The following TMPRSS3 variants were observed in gnomAD, a reference collection of about 807,000 sequenced individuals.
The protein encoded by TMPRSS3 is transmembrane serine protease 3.
A neutral mutation model predicts 59.6 loss-of-function variants in TMPRSS3; 55 were observed. The ratio of observed to expected loss-of-function variants is 0.92; its 90% CI spans 0.74 to 1.16. TMPRSS3 has a LOEUF of 1.16. Among genes scored for constraint, TMPRSS3 ranks in the 50% most tolerant of loss-of-function variants. The pLI, the probability that TMPRSS3 is intolerant of heterozygous loss-of-function variation, is 0.00. For missense variants in TMPRSS3, 596 were observed against 579.4 expected, an observed-to-expected ratio of 1.03 and a Z score of -0.29; for synonymous variants, 257 against 237.7, an observed-to-expected ratio of 1.08 and a Z score of -0.75.
intron 10 of TMPRSS3, 150 bp from the exon 11 acceptor site, chr21:42,376,833 C>A (rs532114055): frequency 1.4e-5 from 17 of 1,248,682 alleles, no homozygotes; most frequent in Admixed American, 3.5e-5. Flanking sequence ...CAGGGCCCTG[C>A]GGGTGGGACG....
At position 42,372,007 on chromosome 21, in the gene TMPRSS3, C is replaced by A. The variant is rs146774207; in HGVS notation, c.*755G>T. On this transcript the variant is annotated 3_prime_UTR_variant, in exon 13 of 13. Coordinates refer to ENST00000644384, the MANE Select transcript of TMPRSS3 (RefSeq NM_001256317.3). Reference sequence around the variant, plus strand: ...AGTCATTCCTAGATTAACCTCCCCACATGTGAAAATAAGTCTTGGAAGTAG... The same window carrying A: ...AGTCATTCCTAGATTAACCTCCCCAAATGTGAAAATAAGTCTTGGAAGTAG... 3.7e-3 allele frequency: 1,683 copies of A among 454,574 alleles called. 6 individuals carry two copies. Among genetic ancestry groups the A allele is most frequent in the Non-Finnish European group, 6.0e-3 (1,368 of 226,806 alleles). 28.2% of individuals were successfully genotyped at this position (454,574 alleles called of 1,614,324 possible). A position where few individuals can be genotyped will look rare whatever the true frequency, so the allele number is the denominator to read the frequency against.
chr21:42,382,046 C>T lies in TMPRSS3; in HGVS notation c.952+19G>A, dbSNP rs753449161. On this transcript the variant is annotated intron_variant, in intron 9 of 12. Transcript: ENST00000644384. Reference sequence around the variant, plus strand: ...AAACAAAGGAAGAGCTGCAGAACCACATAGAGACCCAGATGTACCATTGAA... The same window carrying T: ...AAACAAAGGAAGAGCTGCAGAACCATATAGAGACCCAGATGTACCATTGAA... The T allele has an allele frequency of 6.8e-6, 11 of 1,614,114 alleles. No homozygotes were observed. The South Asian group carries it at 1.2e-4, about 18-fold the overall frequency.
intron 2 of TMPRSS3, among the ~76,000 whole-genome samples, chr21:42,392,028 T>C (rs921990447): frequency 6.6e-6 from 1 of 152,160 alleles, no homozygotes. Flanking sequence ...ATGCCCAAGT[T>C]GTCTTTGTTA....
Position 42,383,015 on chromosome 21 carries a change from A to T in TMPRSS3, c.782+18T>A, listed in dbSNP as rs1325866593. On this transcript the variant is annotated intron_variant, in intron 8 of 12. Transcript: ENST00000644384. Reference sequence around the variant, plus strand: ...CAGGAGTGAACAGGGGTCTGGGAAGATGGTCAGCAGCACTCACTCATAAAC... The same window carrying T: ...CAGGAGTGAACAGGGGTCTGGGAAGTTGGTCAGCAGCACTCACTCATAAAC... The T allele has an allele frequency of 1.2e-6, 2 of 1,613,660 alleles. No individual in the cohort carries two copies. The highest frequency in any genetic ancestry group is 1.7e-5 in the Admixed American group (1 of 60,006).
Position 42,395,487 on chromosome 21 carries a change from G to A in TMPRSS3, c.-51-19C>T. On this transcript the variant is annotated intron_variant, in intron 1 of 12. Transcript: ENST00000644384. ...CTACCTCCTTAGCCGAGGAAGAACA[G>A]AAAGCATTTGTTCCCCTATTTATAC... is the stretch of plus-strand genomic sequence containing the variant. 1 of 1,318,928 alleles carries A rather than the reference G, an allele frequency of 7.6e-7. No individual in the cohort carries two copies. Among genetic ancestry groups the A allele is most frequent in the Non-Finnish European group, 1.1e-6 (1 of 916,662 alleles). The allele number at this position is 1,318,928 out of a possible 1,614,324, so 81.7% of individuals were successfully genotyped here. A position where few individuals can be genotyped will look rare whatever the true frequency, so the allele number is the denominator to read the frequency against.
intron 11 of TMPRSS3, 76 bp from the exon 12 acceptor site, chr21:42,375,944 G>C (rs377249231): frequency 1.0e-5 from 16 of 1,582,572 alleles, no homozygotes; most frequent in Non-Finnish European, 1.4e-5. Flanking sequence ...ACAGTCTGCC[G>C]TGTGAGGCTG....
In TMPRSS3 at chr21:42,389,063, G is replaced by A. The variant is rs754380902; in HGVS notation, c.206-18C>T. On this transcript the variant is annotated intron_variant, in intron 3 of 12. Transcript: ENST00000644384. ...GAAGTGGACTGGGAAAAGGGAGGAA[G>A]GCAGGAATTAACCAACAGCTCTTTC... 16 of 1,613,736 alleles carry A rather than the reference G, an allele frequency of 9.9e-6. No homozygotes were observed. The highest frequency in any genetic ancestry group is 2.2e-5 in the East Asian group (1 of 44,898).
Position 42,372,745 on chromosome 21 carries a change from A to G in TMPRSS3, c.*17T>C, listed in dbSNP as rs2146415358. 1 of 1,614,028 alleles carries G rather than the reference A, an allele frequency of 6.2e-7. No homozygotes were observed. The highest frequency in any genetic ancestry group is 8.5e-7 in the Non-Finnish European group (1 of 1,179,932). ...CATCACCTCAGGAACTCAGGTGGCT[A>G]CTTGTCCCCTTCCTCTTCAGGTTTT... On this transcript the variant is annotated 3_prime_UTR_variant, in exon 13 of 13. Transcript: ENST00000644384.
At chr21:42,390,625 G>A (rs2052720476) in intron 2 of TMPRSS3, among the ~76,000 whole-genome samples, 1 of 152,216 alleles carries the variant, frequency 6.6e-6, no homozygotes, top group African/African-American at 2.4e-5. Flanking sequence ...CTACTCAGGA[G>A]GCTGAGGCAT....
At chr21:42,375,691 G>C (rs763174637) in intron 12 of TMPRSS3, 25 bp downstream of exon 12, 2 of 1,613,500 alleles carry the variant, frequency 1.2e-6, no homozygotes, top group Non-Finnish European at 1.7e-6. Context: ...GGGACAACGT[G>C]AGCTGGGGAG....
In TMPRSS3 at chr21:42,376,625, G is replaced by A. The variant is rs2052434443; in HGVS notation, c.1107C>T (p.Cys369=). 1 of 1,614,136 alleles carries A rather than the reference G, an allele frequency of 6.2e-7. No homozygotes were observed. Among genetic ancestry groups the A allele is most frequent in the Non-Finnish European group, 8.5e-7 (1 of 1,180,030 alleles). Residue 369 remains cysteine (C), a synonymous_variant, in exon 11 of 13, where the codon TGC becomes TGT. Transcript: ENST00000644384. The stretch of plus-strand genomic sequence containing the variant: ...TGCCACCGTACACGTCCCTGTGGTT[G>A]CAGATCTTGTTGGAAATCAAAGGGA... ...AAVPLISNKI[C]NHRDVYGGII...
At chr21:42,372,843 C>T (rs531900756) in intron 12 of TMPRSS3, 64 bp from the exon 13 acceptor site, 19 of 1,594,950 alleles carry the variant, frequency 1.2e-5, no homozygotes, top group South Asian at 5.5e-5. Context: ...AACATGATGA[C>T]GGAGCGGGCA....
At chr21:42,380,036 A>G (rs962079195) in intron 10 of TMPRSS3, 81 bp downstream of exon 10, 3 of 1,195,806 alleles carry the variant, frequency 2.5e-6, no homozygotes, top group African/African-American at 1.5e-5. Flanking sequence ...GAACATCACA[A>G]TGGGACATTG....
At chr21:42,375,362 C>T (rs1204528464) in intron 12 of TMPRSS3, among the ~76,000 whole-genome samples, 3 of 139,510 alleles carry the variant, frequency 2.2e-5, no homozygotes, top group Non-Finnish European at 3.2e-5. Flanking sequence ...CAGCCCCCCG[C>T]CCCCTCCCAC....
At chr21:42,376,472 G>A (rs1385792981) in intron 11 of TMPRSS3, 69 bp downstream of exon 11, 25 of 1,602,202 alleles carry the variant, frequency 1.6e-5, no homozygotes, top group Non-Finnish European at 1.9e-5. Flanking sequence ...ACAGGGAAAC[G>A]CTGGCAACGA....
At chr21:42,387,374 G>GTGTGTGTGTC (rs1233694768) in intron 5 of TMPRSS3, among the ~76,000 whole-genome samples, 2 of 149,356 alleles carry the variant, frequency 1.3e-5, no homozygotes, top group Non-Finnish European at 3.0e-5. Flanking sequence ...TGTGTGCAGT[G>GTGTGTGTGTC]TGTGTGTGTG....
At chr21:42,375,663 C>A in intron 12 of TMPRSS3, 53 bp downstream of exon 12, 1 of 1,612,478 alleles carries the variant, frequency 6.2e-7, no homozygotes, top group South Asian at 1.1e-5. Flanking sequence ...ATTTAAGGGA[C>A]CTTAGGGTCA....
chr21:42,384,080 A>T, intron 6 of TMPRSS3, 67 bp from the exon 7 acceptor site: 1 of 1,498,802 alleles, frequency 6.7e-7, no homozygotes, highest in South Asian at 1.1e-5. Flanking sequence ...ACTCTTAAAA[A>T]CTCAATCTTA....
At position 42,372,917 on chromosome 21, in the gene TMPRSS3, C is replaced by T. The variant is rs2052359752; in HGVS notation, c.1345-138G>A. On this transcript the variant is annotated intron_variant, in intron 12 of 12. Coordinates refer to ENST00000644384, the MANE Select transcript of TMPRSS3 (RefSeq NM_001256317.3). ...CACGATGAAGACAAGGTTGGCCTCC[C>T]CCTGGGGCTGCCAGCTCTGAGTGGA... 4.9e-6 allele frequency: 5 copies of T among 1,013,680 alleles called. No individual in the cohort carries two copies. In the South Asian group the frequency reaches 5.4e-5, roughly 11 times the overall value. 62.8% of individuals were successfully genotyped at this position (1,013,680 alleles called of 1,614,324 possible). A position where few individuals can be genotyped will look rare whatever the true frequency, so the allele number is the denominator to read the frequency against.
Sources: allele counts gnomAD v4.1 joint callset (sites outside exome capture counted in the v4.1 genomes callset), GRCh38; gene constraint gnomAD v4.1.1; transcripts MANE v1.5; gene names NCBI Gene and HGNC (gene_info 2026-07-23, HGNC 2026-07-21).